CYP4Z1: variants seen among roughly 807,000 people sequenced by gnomAD.
The protein encoded by CYP4Z1 is cytochrome P450 family 4 subfamily Z member 1, also known as cytochrome P450 4Z1.
A neutral mutation model predicts 54.2 loss-of-function variants in CYP4Z1; 41 were observed. That is an observed-to-expected ratio of 0.76 (90% CI 0.59 to 0.98). CYP4Z1 has a LOEUF of 0.98. CYP4Z1 is among the 50% of genes least tolerant of loss of function. The pLI is 0.00. For missense variants in CYP4Z1, 513 were observed against 599.0 expected, an observed-to-expected ratio of 0.86 and a Z score of 1.50; for synonymous variants, 163 against 206.2, an observed-to-expected ratio of 0.79 and a Z score of 1.79.
At chr1:47,116,604 G>T (rs1242209109) in intron 10 of CYP4Z1, 46 bp from the exon 11 acceptor site, 2 of 1,236,144 alleles carry the variant, frequency 1.6e-6, no homozygotes, top group Non-Finnish European at 1.1e-6. Flanking sequence ...TTTTTTGTGG[G>T]GGTGGGCTGG....
chr1:47,100,901 T>C (rs1644716720), intron 8 of CYP4Z1, among the ~76,000 whole-genome samples: 1 of 152,202 alleles, frequency 6.6e-6, no homozygotes, highest in African/African-American at 2.4e-5. Flanking sequence ...ATTTTCTTTT[T>C]TGGAAGACTT....
At chr1:47,104,197 CT>C (rs1275287275) in intron 8 of CYP4Z1, among the ~76,000 whole-genome samples, 1 of 152,136 alleles carries the variant, frequency 6.6e-6, no homozygotes, top group African/African-American at 2.4e-5. Flanking sequence ...AGTGTAATCG[CT>C]GTATGATTTC....
chr1:47,060,522 A>G, the CYP4Z1 span, among the ~76,000 whole-genome samples: 3 of 152,230 alleles, frequency 2.0e-5, no homozygotes, highest in African/African-American at 4.8e-5. Flanking sequence ...CTAAATATAT[A>G]TTCATCTAAT....
chr1:47,061,093 A>G, the CYP4Z1 span, among the ~76,000 whole-genome samples: 1 of 152,208 alleles, frequency 6.6e-6, no homozygotes, highest in South Asian at 2.1e-4. Context: ...CACATCAAAA[A>G]GGTAAAAAGA....
chr1:47,065,795 G>A (rs1644446563), upstream of CYP4Z1, among the ~76,000 whole-genome samples: 1 of 152,074 alleles, frequency 6.6e-6, no homozygotes, highest in African/African-American at 2.4e-5. Flanking sequence ...GATTAACGAA[G>A]TAAACAAGAG....
At chr1:47,086,053 A>C (rs949431237) in intron 6 of CYP4Z1, among the ~76,000 whole-genome samples, 1 of 152,022 alleles carries the variant, frequency 6.6e-6, no homozygotes, top group East Asian at 1.9e-4. Context: ...ATAGTATTCC[A>C]TGGTGTATAT....
intron 6 of CYP4Z1, among the ~76,000 whole-genome samples, chr1:47,085,961 G>C (rs1457681581): frequency 6.6e-6 from 1 of 150,852 alleles, no homozygotes; most frequent in African/African-American, 2.4e-5. Flanking sequence ...TTTTGTCCTT[G>C]TGATAGTTTG....
chr1:47,082,232 C>G, intron 3 of CYP4Z1, 102 bp from the exon 4 acceptor site: 1 of 1,424,806 alleles, frequency 7.0e-7, no homozygotes, highest in Non-Finnish European at 9.4e-7. Flanking sequence ...TCCACTCTAA[C>G]TTTTCTCCAG....
At chr1:47,113,478 T>C (rs1267007166) in intron 9 of CYP4Z1, among the ~76,000 whole-genome samples, 1 of 152,202 alleles carries the variant, frequency 6.6e-6, no homozygotes, top group African/African-American at 2.4e-5. Flanking sequence ...CTAGAGTAGA[T>C]CTCACTGATC....
intron 6 of CYP4Z1, among the ~76,000 whole-genome samples, chr1:47,092,285 T>A (rs1243870390): frequency 6.6e-6 from 1 of 152,058 alleles, no homozygotes; most frequent in East Asian, 1.9e-4. Context: ...CTCCTTCTCC[T>A]GAGCTTTTTC....
chr1:47,097,891 C>T (rs1396446369), intron 7 of CYP4Z1, among the ~76,000 whole-genome samples: 1 of 149,894 alleles, frequency 6.7e-6, no homozygotes, highest in Non-Finnish European at 1.5e-5. Context: ...TCCTGGCTCA[C>T]TGCAACCTCC....
chr1:47,057,070 T>A, the CYP4Z1 span, among the ~76,000 whole-genome samples: 3 of 151,966 alleles, frequency 2.0e-5, no homozygotes, highest in African/African-American at 2.4e-5. Context: ...GTTGTTCCTT[T>A]CCATGTTTAG....
chr1:47,059,299 T>C, the CYP4Z1 span, among the ~76,000 whole-genome samples: 1 of 152,190 alleles, frequency 6.6e-6, no homozygotes, highest in African/African-American at 2.4e-5. Context: ...GCAAAATAAG[T>C]TGCAGCTATA....
At chr1:47,117,240 T>A (rs1644836758) in intron 11 of CYP4Z1, among the ~76,000 whole-genome samples, 1 of 152,076 alleles carries the variant, frequency 6.6e-6, no homozygotes, top group Non-Finnish European at 1.5e-5. Context: ...TAGTAAGAAG[T>A]AGCTTTTCCT....
chr1:47,056,326 T>A, the CYP4Z1 span, among the ~76,000 whole-genome samples: 137 of 152,150 alleles, frequency 9.0e-4, 1 homozygote, highest in Admixed American at 8.1e-3. Context: ...TGCTGAGGAG[T>A]GCTTTACTTC....
chr1:47,087,938 A>T (rs1294091371), intron 6 of CYP4Z1, among the ~76,000 whole-genome samples: 1 of 152,176 alleles, frequency 6.6e-6, no homozygotes, highest in Non-Finnish European at 1.5e-5. Context: ...CCTTTTCTGC[A>T]TCTATTGGGA....
In CYP4Z1 at chr1:47,095,174, G is replaced by A. The variant is rs536485022; in HGVS notation, c.876+505G>A. ...ACAAGCTGCTGAAACCTTCTTCCTC[G>A]ACATGTGGTCTATAGACCAGCAGCA... is the stretch of plus-strand genomic sequence containing the variant. On this transcript the variant is annotated intron_variant, in intron 7 of 11. Transcript: ENST00000334194. Among the ~76,000 whole-genome samples, 319 of 152,186 alleles carry A rather than the reference G, an allele frequency of 2.1e-3. 2 individuals are homozygous for A. Among genetic ancestry groups the A allele is most frequent in the Middle Eastern group, 3.4e-3 (1 of 294 alleles).
intron 9 of CYP4Z1, among the ~76,000 whole-genome samples, chr1:47,111,365 AGTGGAGACGGGGTTTCACC>A (rs1319821216): frequency 6.6e-6 from 1 of 152,078 alleles, no homozygotes; most frequent in Non-Finnish European, 1.5e-5. Flanking sequence ...TTGTATTTTT[AGTGGAGACGGGGTTTCACC>A]GTGTTAGCCA....
At chr1:47,088,613 TTTTTTG>T (rs1452073693) in intron 6 of CYP4Z1, among the ~76,000 whole-genome samples, 1 of 146,608 alleles carries the variant, frequency 6.8e-6, no homozygotes, top group African/African-American at 2.6e-5. Flanking sequence ...TTTTTTTTTG[TTTTTTG>T]TTTTTGTTTT....
Sources: gnomAD v4.1 joint callset for allele counts (sites outside exome capture counted in the v4.1 genomes callset) on GRCh38, gnomAD v4.1.1 for gene constraint, MANE v1.5 for transcripts, NCBI Gene and HGNC (gene_info 2026-07-23, HGNC 2026-07-21) for gene names.